The following LGI2 variants were observed in gnomAD, a reference collection of about 807,000 sequenced individuals.
LGI2 encodes the protein leucine rich repeat LGI family member 2.
Under a neutral mutation model 52.0 loss-of-function variants are expected in LGI2, and 30 were observed. The ratio of observed to expected loss-of-function variants is 0.58; its 90% CI spans 0.43 to 0.78. The LOEUF (loss-of-function observed/expected upper bound fraction) is 0.78, where lower values mean the gene tolerates loss of function less well. Ranked by LOEUF, LGI2 falls within the 30% of genes least tolerant of loss-of-function variation. LGI2 has a pLI of 0.00. For missense variants in LGI2, 573 were observed against 692.5 expected (o/e 0.83, Z 1.94); for synonymous variants, 270 against 271.8 (o/e 0.99, Z 0.06).
At chr4:25,015,852 A>G (rs1377461644) in intron 6 of LGI2, among the ~76,000 whole-genome samples, 1 of 152,100 alleles carries the variant, frequency 6.6e-6, no homozygotes, top group Non-Finnish European at 1.5e-5. Context: ...GTGGATCACA[A>G]CTTTGTTGTA....
downstream of LGI2, among the ~76,000 whole-genome samples, chr4:24,993,944 A>G (rs1007688734): frequency 2.7e-4 from 41 of 152,114 alleles, no homozygotes; most frequent in African/African-American, 9.4e-4. Context: ...TAGAGCAGAT[A>G]CTCCACTTTG....
rs988652103 is a variant in LGI2 at position 24,999,135 on chromosome 4, T to C, written c.*4316A>G. 6.6e-6 allele frequency: 1 copy of C among 152,180 alleles called. No homozygotes were observed. Among genetic ancestry groups the C allele is most frequent in the African/African-American group, 2.4e-5 (1 of 41,438 alleles). The allele number at this position is 152,180 out of a possible 1,614,324, so 9.4% of individuals were successfully genotyped here. A position where few individuals can be genotyped will look rare whatever the true frequency, so the allele number is the denominator to read the frequency against. ...ATCAAAGGGACTGATAGGGAATGCA[T>C]AGTTTCCTACTAGAAAAAAAGTAGA... On this transcript the variant is annotated 3_prime_UTR_variant, in exon 8 of 8. Coordinates refer to ENST00000382114, the MANE Select transcript of LGI2 (RefSeq NM_018176.4).
Position 25,025,908 on chromosome 4 carries a change from C to T in LGI2, c.341+960G>A, listed in dbSNP as rs529347165. Reference sequence around the variant, plus strand: ...AAACTCATAGCTTTACAACTGCTACCTCCATTGGCTATGTATGTGCTTTGA... The same window carrying T: ...AAACTCATAGCTTTACAACTGCTACTTCCATTGGCTATGTATGTGCTTTGA... On this transcript the variant is annotated intron_variant, in intron 3 of 7. Coordinates refer to ENST00000382114, the MANE Select transcript of LGI2 (RefSeq NM_018176.4). Among the ~76,000 whole-genome samples, 7 of 152,310 alleles carry T rather than the reference C, an allele frequency of 4.6e-5. No individual in the cohort carries two copies. The South Asian group carries it at 1.0e-3, about 23-fold the overall frequency.
At position 25,003,182 on chromosome 4, in the gene LGI2, G is replaced by A. The variant is rs551580677; in HGVS notation, c.*269C>T. The stretch of plus-strand genomic sequence containing the variant: ...GGGGGGGAAGCATATTACATTTCTA[G>A]ATGATAAGAGTAAATGCTGTACTCT... On this transcript the variant is annotated 3_prime_UTR_variant, in exon 8 of 8. Coordinates refer to ENST00000382114, the MANE Select transcript of LGI2 (RefSeq NM_018176.4). The A allele has an allele frequency of 2.3e-5, 7 of 304,750 alleles. No homozygotes were observed. The highest frequency in any genetic ancestry group is 4.1e-5 in the Non-Finnish European group (7 of 168,998). 18.9% of individuals were successfully genotyped at this position (304,750 alleles called of 1,614,324 possible).
At chr4:25,024,945 A>G in intron 3 of LGI2, 54 bp from the exon 4 acceptor site, 1 of 1,162,432 alleles carries the variant, frequency 8.6e-7, no homozygotes, top group Non-Finnish European at 1.2e-6. Context: ...AGTATCCCAA[A>G]AAAACTATGT....
chr4:25,016,681 T>C (rs1725773109), intron 6 of LGI2, among the ~76,000 whole-genome samples: 1 of 152,242 alleles, frequency 6.6e-6, no homozygotes, highest in Non-Finnish European at 1.5e-5. Flanking sequence ...CAAACAAAGA[T>C]ACCTAGAAAT....
rs978214136 is a variant in LGI2 at position 25,002,308 on chromosome 4, G to A, written c.*1143C>T. 5 of 152,254 alleles carry A rather than the reference G, an allele frequency of 3.3e-5. No individual in the cohort carries two copies. Among genetic ancestry groups the A allele is most frequent in the African/African-American group, 7.2e-5 (3 of 41,450 alleles). 9.4% of individuals were successfully genotyped at this position (152,254 alleles called of 1,614,324 possible). A position where few individuals can be genotyped will look rare whatever the true frequency, so the allele number is the denominator to read the frequency against. On this transcript the variant is annotated 3_prime_UTR_variant, in exon 8 of 8. Transcript: ENST00000382114. ...TCTTCCTATCTGAGTATCTTGGGTT[G>A]TGATTTGGTGTGGGCTGCACTGGCA...
chr4:25,011,547 C>T (rs1448049752), intron 7 of LGI2, among the ~76,000 whole-genome samples: 2 of 152,130 alleles, frequency 1.3e-5, no homozygotes, highest in Admixed American at 6.5e-5. Context: ...AGCCTCCCAA[C>T]CCAGAAATTC....
In LGI2 at chr4:25,003,663, G is replaced by A. The variant is rs1230561623; in HGVS notation, c.1426C>T (p.His476Tyr). Residue 476 changes from histidine (H) to tyrosine (Y), a missense_variant, in exon 8 of 8, where the codon CAC (histidine) becomes TAC (tyrosine). Transcript: ENST00000382114. The stretch of plus-strand genomic sequence containing the variant: ...TAGTCACTCCCCAGGGCCAGGTAGT[G>A]ATTATCTTTAAAAGAAAAGGGCTGC... ...TLQPFSFKDNHYLALGSDYTF... is the reference protein window; with the variant it reads ...TLQPFSFKDNYYLALGSDYTF... 2 of 1,614,196 alleles carry A rather than the reference G, an allele frequency of 1.2e-6. No individual in the cohort carries two copies. The highest frequency in any genetic ancestry group is 3.3e-5 in the Admixed American group (2 of 60,016).
chr4:24,996,450 A>G (rs1475247430), downstream of LGI2, among the ~76,000 whole-genome samples: 2 of 152,242 alleles, frequency 1.3e-5, no homozygotes, highest in Non-Finnish European at 2.9e-5. Flanking sequence ...TGTAAACTAG[A>G]AATAAAAATA....
rs576922847 is a variant in LGI2, at chr4:25,017,339, C to G, written c.655+650G>C. 5.9e-5 allele frequency among the ~76,000 whole-genome samples: 9 copies of G among 151,824 alleles called. No homozygotes were observed. The South Asian group carries it at 1.7e-3, about 28-fold the overall frequency. On this transcript the variant is annotated intron_variant, in intron 6 of 7. Transcript: ENST00000382114. ...TGGGCGGATGATGAGATCAGGAGAT[C>G]GAGACCATCCTGGCCAACATGGTGA...
At chr4:25,016,043 A>G (rs960959775) in intron 6 of LGI2, among the ~76,000 whole-genome samples, 1 of 151,774 alleles carries the variant, frequency 6.6e-6, no homozygotes, top group Non-Finnish European at 1.5e-5. Context: ...TGCATGAGAC[A>G]GAGAAGGCTC....
chr4:24,997,162 GTGT>G (rs997893565), downstream of LGI2, among the ~76,000 whole-genome samples: 5 of 152,254 alleles, frequency 3.3e-5, no homozygotes, highest in Admixed American at 2.0e-4. Context: ...GGTTAGGAAA[GTGT>G]TGTCCTGTCT....
Position 25,024,874 on chromosome 4 carries a change from T to G in LGI2, c.359A>C (p.Lys120Thr). Residue 120 changes from lysine to threonine, a missense_variant, in exon 4 of 8, where the codon AAA (lysine) becomes ACA (threonine). Coordinates refer to ENST00000382114, the MANE Select transcript of LGI2 (RefSeq NM_018176.4). ...GGCATTTCTTGAAATGGTTTCTATT[T>G]TGTTCCCTTCAATGAACCTAAGAGG... Reference protein sequence around the residue: ...HLEYLFIEGNKIETISRNAFR... With the variant: ...HLEYLFIEGNTIETISRNAFR... 1 of 1,607,934 alleles carries G rather than the reference T, an allele frequency of 6.2e-7. No individual in the cohort carries two copies. The highest frequency in any genetic ancestry group is 1.1e-5 in the South Asian group (1 of 89,542).
chr4:25,022,059 T>C (rs1725983022), intron 4 of LGI2, among the ~76,000 whole-genome samples: 1 of 152,138 alleles, frequency 6.6e-6, no homozygotes, highest in Non-Finnish European at 1.5e-5. Context: ...GGCTTAGCCC[T>C]GTGCTAGACA....
intron 5 of LGI2, among the ~76,000 whole-genome samples, chr4:25,018,808 G>A (rs1276850659): frequency 1.3e-5 from 2 of 151,916 alleles, no homozygotes; most frequent in Non-Finnish European, 2.9e-5. Flanking sequence ...GTTGTAATGA[G>A]TGGAGATCAT....
At chr4:24,997,283 A>G (rs987857720), downstream of LGI2, among the ~76,000 whole-genome samples, 2 of 152,234 alleles carry the variant, frequency 1.3e-5, no homozygotes, top group Non-Finnish European at 2.9e-5. Flanking sequence ...TGAGACACAG[A>G]GAAAATAAGT....
At chr4:25,022,513 A>C (rs1726004772) in intron 4 of LGI2, among the ~76,000 whole-genome samples, 1 of 152,154 alleles carries the variant, frequency 6.6e-6, no homozygotes, top group Non-Finnish European at 1.5e-5. Flanking sequence ...AACGCATTCC[A>C]TGCTCGCTGG....
In LGI2 at chr4:25,012,332, C is replaced by T; in HGVS notation, c.820+3G>A. 1 of 1,614,108 alleles carries T rather than the reference C, an allele frequency of 6.2e-7. No individual in the cohort carries two copies. The highest frequency in any genetic ancestry group is 8.5e-7 in the Non-Finnish European group (1 of 1,179,956). The stretch of plus-strand genomic sequence containing the variant: ...AACACATCTGATCAAAGCCACAACA[C>T]ACCTGTAATGTTGTCATAGCTCCGG... On this transcript the variant is annotated splice_donor_region_variant and intron_variant, in intron 7 of 7. Coordinates refer to ENST00000382114, the MANE Select transcript of LGI2 (RefSeq NM_018176.4).
Sources: gnomAD v4.1 joint callset for allele counts (sites outside exome capture counted in the v4.1 genomes callset) on GRCh38, gnomAD v4.1.1 for gene constraint, MANE v1.5 for transcripts, NCBI Gene and HGNC (gene_info 2026-07-23, HGNC 2026-07-21) for gene names.